Variants in RIF1 observed in about 807,000 individuals in gnomAD.
RIF1 encodes the protein telomere-associated protein RIF1.
Under a neutral mutation model 247.1 loss-of-function variants are expected in RIF1, and 45 were observed. That is an observed-to-expected ratio of 0.18 (90% confidence interval 0.14 to 0.23). RIF1 has a LOEUF of 0.23. Among genes scored for constraint, RIF1 ranks in the 10% least tolerant of loss-of-function variants. RIF1 has a pLI of 1.00. For missense variants in RIF1, 2,967 were observed against 2,862.5 expected, an observed-to-expected ratio of 1.04 and a Z score of -0.83; for synonymous variants, 1,087 against 978.8, an observed-to-expected ratio of 1.11 and a Z score of -2.06.
At chr2:151,420,635 A>G (rs12693029) in intron 7 of RIF1, among the ~76,000 whole-genome samples, 149,918 of 151,806 alleles carry the variant, frequency 0.99, 74,055 homozygotes, top group Middle Eastern at 1. Context: ...TGCTTGGGAG[A>G]CTAAGGCGGG....
intron 8 of RIF1, among the ~76,000 whole-genome samples, chr2:151,427,505 C>A (rs564159499): frequency 1.1e-4 from 16 of 149,704 alleles, no homozygotes; most frequent in Non-Finnish European, 2.1e-4. Context: ...GCCACCGTGC[C>A]TGGCCTATTT....
chr2:151,433,232 A>G lies in RIF1; in HGVS notation c.1077+4A>G, dbSNP rs749322942. The G allele has an allele frequency of 6.2e-7, 1 of 1,607,920 alleles. No homozygotes were observed. Among genetic ancestry groups the G allele is most frequent in the Non-Finnish European group, 8.5e-7 (1 of 1,175,240 alleles). On this transcript the variant is annotated splice_donor_region_variant and intron_variant, in intron 10 of 35. Coordinates refer to ENST00000444746, the MANE Select transcript of RIF1 (RefSeq NM_018151.5). Reference sequence around the variant, plus strand: ...TCTTCCTGCTAATTTTGAACAGGTAACATTACAAGTGTTGACTATAGCACT... The same window carrying G: ...TCTTCCTGCTAATTTTGAACAGGTAGCATTACAAGTGTTGACTATAGCACT...
intron 12 of RIF1, among the ~76,000 whole-genome samples, chr2:151,505,292 T>C (rs1189099872): frequency 1.3e-5 from 2 of 152,140 alleles, no homozygotes; most frequent in African/African-American, 4.8e-5. Context: ...TACTCCTTGA[T>C]TATGAGAAAA....
chr2:151,491,633 G>T, intron 9 of RIF1: 1 of 1,391,158 alleles, frequency 7.2e-7, no homozygotes, highest in South Asian at 1.2e-5. Flanking sequence ...ATTGACTCTA[G>T]CATACTAAAT....
chr2:151,453,737 A>G (rs1255319353), intron 21 of RIF1, among the ~76,000 whole-genome samples: 1 of 152,092 alleles, frequency 6.6e-6, no homozygotes, highest in Non-Finnish European at 1.5e-5. Context: ...TTTTCCCATT[A>G]CTGGTGATGT....
Position 151,462,435 on chromosome 2 carries a change from A to C in RIF1, c.3332A>C (p.Lys1111Thr). The C allele has an allele frequency of 6.4e-7, 1 of 1,562,232 alleles. No homozygotes were observed. ...AGGGAAATTCCTACTTTAACCAGAA[A>C]ACCAAAGGAGGATTCTAAGATGATG... ...EPMEIPTLTRKPKEDSKMMIT... is the reference protein window; with the variant it reads ...EPMEIPTLTRTPKEDSKMMIT... The change falls in exon 29 of 36, where the codon AAA becomes ACA. Residue 1111 changes from lysine to threonine, a missense_variant. Coordinates refer to ENST00000444746, the MANE Select transcript of RIF1 (RefSeq NM_018151.5).
chr2:151,438,701 A>T lies in RIF1; in HGVS notation c.1501A>T (p.Ile501Phe). The T allele has an allele frequency of 6.2e-7, 1 of 1,612,450 alleles. No individual in the cohort carries two copies. The highest frequency in any genetic ancestry group is 8.5e-7 in the Non-Finnish European group (1 of 1,178,476). The part of the protein sequence containing the change: ...KDAPDVVVSA[I>F]WKELISLVKS... The stretch of plus-strand genomic sequence containing the variant: ...TTTGACAGATGTGGTTGTCAGTGCT[A>T]TCTGGAAGGAGCTAATTAGCTTGGT... The change falls in exon 14 of 36, where the codon ATC (isoleucine) becomes TTC (phenylalanine). Residue 501 changes from isoleucine to phenylalanine, a missense_variant. Ile to Phe is a conservative substitution (Grantham distance 21). Coordinates refer to ENST00000444746, the MANE Select transcript of RIF1 (RefSeq NM_018151.5).
intron 8 of RIF1, among the ~76,000 whole-genome samples, chr2:151,426,273 C>A (rs1689084699): frequency 6.9e-6 from 1 of 144,676 alleles, no homozygotes; most frequent in South Asian, 2.2e-4. Context: ...CTCCTGGGTC[C>A]AAGCGATTCT....
downstream of RIF1, chr2:151,485,994 A>G: frequency 6.6e-7 from 1 of 1,519,228 alleles, no homozygotes; most frequent in Non-Finnish European, 9.1e-7. Flanking sequence ...GTTAACACAC[A>G]TCTATTTGTA....
the RIF1 span, among the ~76,000 whole-genome samples, chr2:151,522,329 A>G: frequency 5.9e-5 from 9 of 152,358 alleles, no homozygotes; most frequent in Admixed American, 4.6e-4. Flanking sequence ...CTGAGAAACT[A>G]TATTAAATAC....
At position 151,464,731 on chromosome 2, in the gene RIF1, A is replaced by T. The variant is rs772534874; in HGVS notation, c.5211A>T (p.Glu1737Asp). The T allele has an allele frequency of 6.1e-5, 99 of 1,613,438 alleles. No individual in the cohort carries two copies. The highest frequency in any genetic ancestry group is 7.6e-5 in the Non-Finnish European group (90 of 1,179,802). The change falls in exon 30 of 36, where the codon GAA (glutamate) becomes GAT (aspartate). Residue 1737 changes from glutamate (E) to aspartate (D), a missense_variant. Transcript: ENST00000444746. ...RRSKGCDCCG[E>D]KSQPQEKSLI... ...CTAAAGGTTGTGATTGCTGTGGGGA[A>T]AAATCACAACCTCAGGAAAAGTCAC...
At chr2:151,490,128 C>T in intron 9 of RIF1, 1 of 1,406,022 alleles carries the variant, frequency 7.1e-7, no homozygotes, top group Non-Finnish European at 9.9e-7. Flanking sequence ...GCTAGGTATC[C>T]TTTAATCTGT....
intron 11 of RIF1, 57 bp from the exon 12 acceptor site, chr2:151,436,770 G>T: frequency 8.1e-7 from 1 of 1,235,430 alleles, no homozygotes; most frequent in Non-Finnish European, 1.1e-6. Context: ...TATGCATTTG[G>T]GTAGCTAATA....
In RIF1 at chr2:151,465,816, A is replaced by G. The variant is rs1290287614; in HGVS notation, c.6296A>G (p.Asp2099Gly). ...TEYSKSEEKL[D>G]NNQMVMESDI... is the part of the protein sequence containing the mutation. The stretch of plus-strand genomic sequence containing the variant: ...TATAGTAAATCTGAAGAAAAATTAG[A>G]TAACAATCAAATGGTAATGGAAAGT... Residue 2099 changes from aspartate to glycine, a missense_variant, in exon 30 of 36, where the codon GAT becomes GGT. By Grantham distance (94) the Asp-to-Gly change is moderately conservative. Around this residue, in one of 7 missense-constraint regions of RIF1, gnomAD observed 2,028 missense variants for 1,825.6 expected, o/e 1.11. Coordinates refer to ENST00000444746, the MANE Select transcript of RIF1 (RefSeq NM_018151.5). 5 of 1,613,384 alleles carry G rather than the reference A, an allele frequency of 3.1e-6. No homozygotes were observed. Among genetic ancestry groups the G allele is most frequent in the South Asian group, 2.2e-5 (2 of 91,052 alleles).
At chr2:151,466,250 G>T in intron 30 of RIF1, 130 bp downstream of exon 30, 1 of 618,722 alleles carries the variant, frequency 1.6e-6, no homozygotes. Context: ...TACCATAATG[G>T]TTGCTAGGGA....
chr2:151,465,140 C>G lies in RIF1; in HGVS notation c.5620C>G (p.Gln1874Glu). The G allele has an allele frequency of 1.2e-6, 2 of 1,613,440 alleles. No homozygotes were observed. Among genetic ancestry groups the G allele is most frequent in the Non-Finnish European group, 1.7e-6 (2 of 1,179,858 alleles). ...PCLGDSKNVS[Q>E]ESLETKEEKP... ...TTTAGGAGACTCGAAAAATGTTTCA[C>G]AGGAATCTTTGGAGACAAAAGAAGA... Residue 1874 changes from glutamine to glutamate, a missense_variant, in exon 30 of 36, where the codon CAG becomes GAG. Transcript: ENST00000444746.
intron 10 of RIF1, among the ~76,000 whole-genome samples, chr2:151,498,769 CACAT>C (rs1379826720): frequency 1.3e-5 from 2 of 152,034 alleles, no homozygotes; most frequent in Non-Finnish European, 2.9e-5. Flanking sequence ...TATATGGAGA[CACAT>C]ACACACAACT....
At chr2:151,438,557 GAGGAAAATTA>G in intron 13 of RIF1, 117 bp from the exon 14 acceptor site, 1 of 668,632 alleles carries the variant, frequency 1.5e-6, no homozygotes, top group Non-Finnish European at 2.7e-6. Context: ...TGAGTATCAT[GAGGAAAATTA>G]AATTAAGTAT....
chr2:151,490,116 T>C (rs1432081454), intron 9 of RIF1: 3 of 1,466,952 alleles, frequency 2.0e-6, no homozygotes, highest in Non-Finnish European at 2.8e-6. Flanking sequence ...AGAAGAAAAA[T>C]GGCTAGGTAT....
Sources: allele counts gnomAD v4.1 joint callset (sites outside exome capture counted in the v4.1 genomes callset), GRCh38; gene constraint gnomAD v4.1.1; regional missense constraint gnomAD v4.1.1; transcripts MANE v1.5; gene names NCBI Gene and HGNC (gene_info 2026-07-23, HGNC 2026-07-21).